PBX1: variants seen among roughly 807,000 people sequenced by gnomAD.
The protein encoded by PBX1 is PBX homeobox 1, also known as pre-B-cell leukemia transcription factor 1.
PBX1 carries 6 observed loss-of-function variants against 53.4 expected under a neutral mutation model. The ratio of observed to expected loss-of-function variants is 0.11; its 90% confidence interval spans 0.06 to 0.22. PBX1 has a LOEUF of 0.22. Among genes scored for constraint, PBX1 ranks in the 10% least tolerant of loss-of-function variants. PBX1 has a pLI of 1.00. For synonymous variants in PBX1, 204 were observed against 212.3 expected (o/e 0.96, Z 0.34); for missense variants, 251 against 551.4 (o/e 0.46, Z 5.46).
At chr1:164,781,335 G>T (rs1233677275) in intron 2 of PBX1, among the ~76,000 whole-genome samples, 1 of 152,086 alleles carries the variant, frequency 6.6e-6, no homozygotes, top group Non-Finnish European at 1.5e-5. Context: ...GGTGCATTGG[G>T]ATCTCTCTTC....
At chr1:164,772,889 C>A (rs1667445362) in intron 2 of PBX1, 1 of 152,128 alleles carries the variant, frequency 6.6e-6, no homozygotes, top group African/African-American at 2.4e-5. Context: ...TGACTCAGAC[C>A]CAGAGAGGTG....
chr1:164,868,464 G>C (rs963656392), intron 2 of PBX1, among the ~76,000 whole-genome samples: 1 of 152,210 alleles, frequency 6.6e-6, no homozygotes, highest in Non-Finnish European at 1.5e-5. Flanking sequence ...CCTACATGGA[G>C]TACAGGAAAG....
At chr1:164,677,954 T>G (rs554016480) in intron 2 of PBX1, among the ~76,000 whole-genome samples, 1 of 152,286 alleles carries the variant, frequency 6.6e-6, no homozygotes, top group African/African-American at 2.4e-5. Flanking sequence ...ACCCTATCCA[T>G]TTAGTATTAT....
At chr1:164,562,482 C>CACAT (rs2101686207) in intron 1 of PBX1, among the ~76,000 whole-genome samples, 1 of 152,022 alleles carries the variant, frequency 6.6e-6, no homozygotes, top group East Asian at 1.9e-4. Flanking sequence ...CACACACACA[C>CACAT]ACACACACAC....
At chr1:164,818,396 A>G (rs181714001) in intron 6 of PBX1, 31 of 152,326 alleles carry the variant, frequency 2.0e-4, no homozygotes, top group Admixed American at 1.8e-3. Context: ...TTCCTTTCAG[A>G]TAAGCTAAAC....
chr1:164,804,375 C>T (rs992479397), intron 4 of PBX1, among the ~76,000 whole-genome samples: 5 of 151,990 alleles, frequency 3.3e-5, no homozygotes, highest in African/African-American at 1.2e-4. Context: ...AGGAGGGCTT[C>T]TTAGGAAAGC....
At chr1:164,686,956 C>CA (rs112362893) in intron 2 of PBX1, among the ~76,000 whole-genome samples, 3,407 of 139,904 alleles carry the variant, frequency 0.024, 103 homozygotes, top group African/African-American at 0.068. Flanking sequence ...GACTGCATCC[C>CA]AAAAAAAAAA....
chr1:164,566,572 G>A (rs1404876485), intron 2 of PBX1, among the ~76,000 whole-genome samples: 1 of 152,130 alleles, frequency 6.6e-6, no homozygotes, highest in African/African-American at 2.4e-5. Context: ...AATAGGCTAA[G>A]TTTTGCATAT....
intron 2 of PBX1, among the ~76,000 whole-genome samples, chr1:164,594,373 C>T (rs912978874): frequency 1.3e-5 from 2 of 152,172 alleles, no homozygotes; most frequent in African/African-American, 4.8e-5. Flanking sequence ...CGGCTCACTG[C>T]AACCTCTGCC....
At chr1:164,725,486 G>T (rs560866349) in intron 2 of PBX1, among the ~76,000 whole-genome samples, 1 of 151,810 alleles carries the variant, frequency 6.6e-6, no homozygotes, top group African/African-American at 2.4e-5. Context: ...CTTGATCTGC[G>T]TGCTTCCCCT....
chr1:164,878,234 AT>A, intron 2 of PBX1, among the ~76,000 whole-genome samples: 1 of 152,324 alleles, frequency 6.6e-6, no homozygotes, highest in East Asian at 1.9e-4. Flanking sequence ...TTAAAACTAC[AT>A]TATAGGGTTA....
intron 2 of PBX1, among the ~76,000 whole-genome samples, chr1:164,715,496 A>C (rs1018429637): frequency 1.3e-5 from 2 of 152,128 alleles, no homozygotes; most frequent in Non-Finnish European, 2.9e-5. Flanking sequence ...TCCCCAGCAT[A>C]TTGCTATGGC....
chr1:164,612,556 C>G (rs1023813992), intron 2 of PBX1, among the ~76,000 whole-genome samples: 1 of 152,184 alleles, frequency 6.6e-6, no homozygotes, highest in Non-Finnish European at 1.5e-5. Context: ...GCCTCTTCCT[C>G]CTTCCCTCAC....
At chr1:164,718,046 AAAGT>A (rs1664201949) in intron 2 of PBX1, among the ~76,000 whole-genome samples, 1 of 152,352 alleles carries the variant, frequency 6.6e-6, no homozygotes, top group Non-Finnish European at 1.5e-5. Flanking sequence ...ACTGAGGTTC[AAAGT>A]AAGTAAGTAT....
intron 2 of PBX1, among the ~76,000 whole-genome samples, chr1:164,857,078 G>C (rs143640453): frequency 4.6e-5 from 7 of 152,062 alleles, no homozygotes; most frequent in Non-Finnish European, 8.8e-5. Flanking sequence ...CCAACTACCC[G>C]GAATTAGCTT....
chr1:164,700,837 CT>C, intron 2 of PBX1: 1 of 572,766 alleles, frequency 1.7e-6, no homozygotes, highest in Non-Finnish European at 2.2e-6. Flanking sequence ...TATATTGCCA[CT>C]TAGCTGATAT....
chr1:164,856,622 C>G (rs1172507961), downstream of PBX1, among the ~76,000 whole-genome samples: 1 of 152,166 alleles, frequency 6.6e-6, no homozygotes. Flanking sequence ...TTTCCGCCCT[C>G]CCAGGAGCCC....
chr1:164,575,692 T>C (rs1042056224), intron 2 of PBX1, among the ~76,000 whole-genome samples: 1 of 152,154 alleles, frequency 6.6e-6, no homozygotes, highest in Non-Finnish European at 1.5e-5. Context: ...GATATGAGGG[T>C]GTAGACGTTA....
rs185859715 is a variant in PBX1, at chr1:164,656,195, C to T, written c.265+92884C>T. 3.6e-3 allele frequency among the ~76,000 whole-genome samples: 547 copies of T among 152,262 alleles called. 3 individuals are homozygous for T. The highest frequency in any genetic ancestry group is 0.012 in the African/African-American group (496 of 41,550). ...GGCTACTCAGTGGTAAGAAGTGCCA[C>T]ATAAATATTGGTCTAATACATATAT... On this transcript the variant is annotated intron_variant, in intron 2 of 8. Coordinates refer to ENST00000420696, the MANE Select transcript of PBX1 (RefSeq NM_002585.4).
Sources: allele counts gnomAD v4.1 joint callset (sites outside exome capture counted in the v4.1 genomes callset), GRCh38; gene constraint gnomAD v4.1.1; transcripts MANE v1.5; gene names NCBI Gene and HGNC (gene_info 2026-07-23, HGNC 2026-07-21).